ASIC2: variants seen among roughly 807,000 people sequenced by gnomAD.
The protein encoded by ASIC2 is acid-sensing ion channel 2.
Under a neutral mutation model 57.3 loss-of-function variants are expected in ASIC2, and 25 were observed. The observed-to-expected ratio is 0.44, with a 90% CI of 0.32 to 0.61. The LOEUF is 0.61. Ranked by LOEUF, ASIC2 falls within the 20% of genes least tolerant of loss-of-function variation. The pLI, the probability that ASIC2 is intolerant of heterozygous loss-of-function variation, is 0.06. For missense variants in ASIC2, 641 were observed against 738.1 expected, an observed-to-expected ratio of 0.87 and a Z score of 1.52; for synonymous variants, 319 against 307.5, an observed-to-expected ratio of 1.04 and a Z score of -0.39.
rs187761554 is a variant in ASIC2, at chr17:33,647,069, C to T, written c.555+508909G>A. On this transcript the variant is annotated intron_variant, in intron 1 of 9. Coordinates refer to the ASIC2 transcript ENST00000359872. ...TGGAGAAGTTACTGAAGTTGATGCC[C>T]ACAGCCCTGTACTGTTGTTTGGCCA... 5.5e-4 allele frequency among the ~76,000 whole-genome samples: 84 copies of T among 152,228 alleles called. No homozygotes were observed. The South Asian group carries it at 0.011, about 19-fold the overall frequency.
At chr17:33,561,515 A>T (rs1428762984) in intron 1 of ASIC2, among the ~76,000 whole-genome samples, 1 of 152,198 alleles carries the variant, frequency 6.6e-6, no homozygotes, top group Non-Finnish European at 1.5e-5. Context: ...CGGTGATAGA[A>T]ACAGAAGACT....
chr17:33,668,355 G>C (rs993290047), intron 1 of ASIC2, among the ~76,000 whole-genome samples: 3 of 143,526 alleles, frequency 2.1e-5, no homozygotes, highest in African/African-American at 7.9e-5. Context: ...GAAGGGCTGC[G>C]TTCCTTTCTG....
chr17:33,415,736 A>T (rs1265656651), intron 1 of ASIC2, among the ~76,000 whole-genome samples: 1 of 152,236 alleles, frequency 6.6e-6, no homozygotes, highest in Non-Finnish European at 1.5e-5. Flanking sequence ...GATTAAAAGA[A>T]TAAGATAGCA....
At chr17:34,050,378 A>G (rs970738005) in intron 1 of ASIC2, among the ~76,000 whole-genome samples, 2 of 152,128 alleles carry the variant, frequency 1.3e-5, no homozygotes, top group African/African-American at 4.8e-5. Flanking sequence ...TGAGGTGGCA[A>G]AAAGACCTGC....
At chr17:34,011,852 G>C (rs11869731) in intron 1 of ASIC2, among the ~76,000 whole-genome samples, 131,538 of 152,216 alleles carry the variant, frequency 0.86, 57,275 homozygotes, top group East Asian at 0.98. Flanking sequence ...CCTTCTCAGT[G>C]TTCAGCAGTT....
chr17:33,019,766 T>G (rs1277382311), intron 7 of ASIC2, among the ~76,000 whole-genome samples: 1 of 151,560 alleles, frequency 6.6e-6, no homozygotes, highest in East Asian at 1.9e-4. Flanking sequence ...CATGACAAAT[T>G]CAGAGCTCAG....
At position 34,139,637 on chromosome 17, in the gene ASIC2, A is replaced by G. The variant is rs554317091; in HGVS notation, c.555+16341T>C. Among the ~76,000 whole-genome samples the G allele has an allele frequency of 3.3e-5, 5 of 152,362 alleles. No individual in the cohort carries two copies. In the South Asian group the frequency reaches 1.0e-3, roughly 32 times the overall value. On this transcript the variant is annotated intron_variant, in intron 1 of 9. Transcript: ENST00000359872. ...TTAAACCTTGAAAACATTGTACTCA[A>G]TGGAAGAAATCTATCACAAAATGCA...
chr17:33,207,258 A>T (rs1907098802), intron 1 of ASIC2, among the ~76,000 whole-genome samples: 1 of 152,200 alleles, frequency 6.6e-6, no homozygotes, highest in Admixed American at 6.5e-5. Flanking sequence ...TCTTTGTTTC[A>T]TTTAAAGCAT....
At chr17:33,276,896 G>T (rs1280697230) in intron 1 of ASIC2, among the ~76,000 whole-genome samples, 1 of 152,146 alleles carries the variant, frequency 6.6e-6, no homozygotes, top group Non-Finnish European at 1.5e-5. Context: ...GGGTTGATAT[G>T]CACTCAGGTC....
At chr17:34,097,501 C>A (rs1371421501) in intron 1 of ASIC2, among the ~76,000 whole-genome samples, 1 of 152,124 alleles carries the variant, frequency 6.6e-6, no homozygotes, top group Non-Finnish European at 1.5e-5. Context: ...GCAGATCAGT[C>A]ATTGCAGTCA....
At chr17:33,301,390 C>G (rs2142194643) in intron 1 of ASIC2, among the ~76,000 whole-genome samples, 1 of 152,208 alleles carries the variant, frequency 6.6e-6, no homozygotes, top group South Asian at 2.1e-4. Context: ...TATGTCCCAC[C>G]ATTATAGCTC....
At chr17:33,100,535 T>C (rs2092207920) in intron 2 of ASIC2, among the ~76,000 whole-genome samples, 2 of 152,216 alleles carry the variant, frequency 1.3e-5, no homozygotes, top group Admixed American at 1.3e-4. Flanking sequence ...TCTCAATCTA[T>C]CTTCTATCAC....
intron 1 of ASIC2, among the ~76,000 whole-genome samples, chr17:33,820,558 A>G (rs1295771026): frequency 6.6e-6 from 1 of 152,226 alleles, no homozygotes; most frequent in African/African-American, 2.4e-5. Context: ...CGTGTATACA[A>G]GTCAGTCAAT....
At chr17:33,216,153 A>T (rs908025672) in intron 1 of ASIC2, among the ~76,000 whole-genome samples, 2 of 152,216 alleles carry the variant, frequency 1.3e-5, no homozygotes, top group African/African-American at 2.4e-5. Context: ...TCAGGAGACA[A>T]GTGACCTTCA....
At chr17:34,147,707 G>A (rs1904348255) in intron 1 of ASIC2, among the ~76,000 whole-genome samples, 1 of 152,174 alleles carries the variant, frequency 6.6e-6, no homozygotes, top group African/African-American at 2.4e-5. Flanking sequence ...TAGATCATGG[G>A]TCAAATGGCC....
At chr17:33,191,571 G>A (rs528509783) in intron 1 of ASIC2, among the ~76,000 whole-genome samples, 2 of 151,774 alleles carry the variant, frequency 1.3e-5, no homozygotes, top group East Asian at 3.9e-4. Flanking sequence ...AAGAGAGGGA[G>A]GAGAAGGAGG....
At chr17:33,302,217 A>T (rs1216679622) in intron 1 of ASIC2, among the ~76,000 whole-genome samples, 1 of 152,170 alleles carries the variant, frequency 6.6e-6, no homozygotes, top group Non-Finnish European at 1.5e-5. Context: ...TTTCTACCCA[A>T]TTTGCTGTCC....
chr17:33,101,373 TA>T, intron 2 of ASIC2, among the ~76,000 whole-genome samples: 1 of 152,358 alleles, frequency 6.6e-6, no homozygotes, highest in Non-Finnish European at 1.5e-5. Flanking sequence ...GTACATAATT[TA>T]AAAATCAAGT....
rs2091858284 is a variant in ASIC2 at position 33,026,080 on chromosome 17, G to T, written c.1139-98C>A. On this transcript the variant is annotated intron_variant, in intron 4 of 9. Transcript: ENST00000225823. ...GGCTTAGGGAAAGGGGTGCCTCCTG[G>T]CAGTTGAAGGGGCAGCGGCCTGCCA... The T allele has an allele frequency of 3.7e-6, 5 of 1,341,512 alleles. No homozygotes were observed. In the African/African-American group the frequency reaches 5.8e-5, roughly 16 times the overall value. 83.1% of individuals were successfully genotyped at this position (1,341,512 alleles called of 1,614,324 possible).
Sources: allele counts gnomAD v4.1 joint callset (sites outside exome capture counted in the v4.1 genomes callset), GRCh38; gene constraint gnomAD v4.1.1; transcripts MANE v1.5; gene names NCBI Gene and HGNC (gene_info 2026-07-23, HGNC 2026-07-21).